PKIA: variants seen among roughly 807,000 people sequenced by gnomAD.
PKIA encodes cAMP-dependent protein kinase inhibitor alpha, also known as PKI-alpha.
In PKIA, 4 loss-of-function variants were observed where a neutral mutation model predicts 7.6. That is an observed-to-expected ratio of 0.52 (90% CI 0.26 to 1.20). The LOEUF is 1.20. PKIA is among the 50% of genes most tolerant of loss of function. The probability of loss-of-function intolerance (pLI) is 0.13; values close to 1 mark genes in which losing one functional copy is unlikely to be tolerated. For synonymous variants in PKIA, 21 were observed against 30.7 expected, an observed-to-expected ratio of 0.68 and a Z score of 1.04; for missense variants, 73 against 86.2, an observed-to-expected ratio of 0.85 and a Z score of 0.61.
chr8:78,576,383 C>A (rs974152946), intron 2 of PKIA, among the ~76,000 whole-genome samples: 39 of 151,846 alleles, frequency 2.6e-4, no homozygotes, highest in African/African-American at 9.2e-4. Flanking sequence ...GTTTTTGGAG[C>A]TTGAGCTTGT....
At chr8:78,565,424 G>A (rs1425084642) in intron 1 of PKIA, among the ~76,000 whole-genome samples, 2 of 151,888 alleles carry the variant, frequency 1.3e-5, no homozygotes, top group Non-Finnish European at 2.9e-5. Flanking sequence ...TTCAGTTATT[G>A]AATTATAATT....
At position 78,566,749 on chromosome 8, in the gene PKIA, G is replaced by A. The variant is rs1313316964; in HGVS notation, c.-156-6062G>A. 3.9e-5 allele frequency among the ~76,000 whole-genome samples: 6 copies of A among 152,098 alleles called. No individual in the cohort carries two copies. The South Asian group carries it at 8.3e-4, about 21-fold the overall frequency. On this transcript the variant is annotated intron_variant, in intron 1 of 3. Coordinates refer to ENST00000396418, the MANE Select transcript of PKIA (RefSeq NM_006823.4). ...TACAGCATCTTACATTAATATTTCAGCGTACATTAGACATTGCCTACAACC... is the reference window on the plus strand; with the variant it reads ...TACAGCATCTTACATTAATATTTCAACGTACATTAGACATTGCCTACAACC...
chr8:78,586,451 T>A (rs1168148204), intron 2 of PKIA, among the ~76,000 whole-genome samples: 1 of 152,118 alleles, frequency 6.6e-6, no homozygotes, highest in African/African-American at 2.4e-5. Flanking sequence ...CAGAGTGTGC[T>A]TTTACTATCA....
At chr8:78,581,992 G>A (rs934723306) in intron 2 of PKIA, among the ~76,000 whole-genome samples, 25 of 151,936 alleles carry the variant, frequency 1.6e-4, no homozygotes, top group Non-Finnish European at 1.8e-4. Flanking sequence ...TCATTTCAAC[G>A]TTTTTGTAAG....
intron 1 of PKIA, among the ~76,000 whole-genome samples, chr8:78,542,842 T>C (rs977352726): frequency 6.6e-6 from 1 of 152,162 alleles, no homozygotes; most frequent in Non-Finnish European, 1.5e-5. Context: ...TACAAAAGTG[T>C]CTTATCTCCT....
At chr8:78,531,635 T>TA (rs1806387473) in intron 1 of PKIA, among the ~76,000 whole-genome samples, 1 of 152,110 alleles carries the variant, frequency 6.6e-6, no homozygotes, top group Non-Finnish European at 1.5e-5. Context: ...GTACCTGTAG[T>TA]CACACAGCTA....
At chr8:78,579,082 A>G (rs1462441850) in intron 2 of PKIA, among the ~76,000 whole-genome samples, 1 of 152,008 alleles carries the variant, frequency 6.6e-6, no homozygotes, top group East Asian at 1.9e-4. Context: ...AACAATTTCT[A>G]CATGTAGTCC....
At chr8:78,562,143 A>G (rs1807300817) in intron 1 of PKIA, among the ~76,000 whole-genome samples, 1 of 152,190 alleles carries the variant, frequency 6.6e-6, no homozygotes, top group Non-Finnish European at 1.5e-5. Flanking sequence ...AAATATTAGC[A>G]ATTGTTGAAA....
rs565998250 is a variant in PKIA at position 78,565,702 on chromosome 8, T to TA, written c.-156-7108dup. Reference sequence around the variant, plus strand: ...CCCTAAAGTAATTAGGGTTTTTTTTTATGAGGATTGCCAGTATAATGTTTA... The same window carrying TA: ...CCCTAAAGTAATTAGGGTTTTTTTTTAATGAGGATTGCCAGTATAATGTTTA... On this transcript the variant is annotated intron_variant, in intron 1 of 3. Coordinates refer to ENST00000396418, the MANE Select transcript of PKIA (RefSeq NM_006823.4). 9.2e-5 allele frequency among the ~76,000 whole-genome samples: 14 copies of TA among 152,052 alleles called. No homozygotes were observed. The Middle Eastern group carries it at 0.02, about 222-fold the overall frequency.
intron 1 of PKIA, among the ~76,000 whole-genome samples, chr8:78,567,159 A>AT (rs1361561011): frequency 6.6e-6 from 1 of 152,016 alleles, no homozygotes; most frequent in Non-Finnish European, 1.5e-5. Flanking sequence ...TACTATACCC[A>AT]TTTTTCTCTA....
At chr8:78,565,055 T>C (rs928352999) in intron 1 of PKIA, among the ~76,000 whole-genome samples, 1 of 151,908 alleles carries the variant, frequency 6.6e-6, no homozygotes, top group Non-Finnish European at 1.5e-5. Flanking sequence ...TTTTAAAGAC[T>C]CTCTGATTAT....
chr8:78,555,687 A>T (rs935471840), intron 1 of PKIA, among the ~76,000 whole-genome samples: 1 of 152,044 alleles, frequency 6.6e-6, no homozygotes, highest in Non-Finnish European at 1.5e-5. Context: ...GGTGTTGGTG[A>T]ATGCAAGAAG....
chr8:78,517,035 A>C (rs1286413592), intron 1 of PKIA, among the ~76,000 whole-genome samples: 3 of 152,130 alleles, frequency 2.0e-5, no homozygotes, highest in Admixed American at 1.3e-4. Flanking sequence ...GCAGCACTTG[A>C]CATCGCTTCT....
At chr8:78,543,879 T>C (rs950958402) in intron 1 of PKIA, among the ~76,000 whole-genome samples, 9 of 152,154 alleles carry the variant, frequency 5.9e-5, no homozygotes, top group African/African-American at 2.2e-4. Flanking sequence ...CTTCAGGCAT[T>C]TCTACTGTTC....
At position 78,556,073 on chromosome 8, in the gene PKIA, A is replaced by G. The variant is rs139619152; in HGVS notation, c.-156-16738A>G. On this transcript the variant is annotated intron_variant, in intron 1 of 3. Transcript: ENST00000396418. Reference sequence around the variant, plus strand: ...TCCTTTGTCCTTTCCTTTTATGTTTAGCAGTTATGTAAATTAAAAGAAATT... The same window carrying G: ...TCCTTTGTCCTTTCCTTTTATGTTTGGCAGTTATGTAAATTAAAAGAAATT... Among the ~76,000 whole-genome samples, 13 of 152,240 alleles carry G rather than the reference A, an allele frequency of 8.5e-5. No individual in the cohort carries two copies. In the East Asian group the frequency reaches 2.5e-3, roughly 29 times the overall value.
chr8:78,545,625 T>G (rs1806801993), intron 1 of PKIA, among the ~76,000 whole-genome samples: 1 of 152,130 alleles, frequency 6.6e-6, no homozygotes, highest in Non-Finnish European at 1.5e-5. Flanking sequence ...AATACAAAAA[T>G]TACATATTTA....
At chr8:78,593,722 G>C (rs1038468730) in intron 2 of PKIA, among the ~76,000 whole-genome samples, 1 of 150,692 alleles carries the variant, frequency 6.6e-6, no homozygotes, top group Admixed American at 6.6e-5. Context: ...AAAGTAAAAA[G>C]CATGGGCAGG....
intron 2 of PKIA, among the ~76,000 whole-genome samples, chr8:78,578,658 T>G (rs1250907948): frequency 6.6e-6 from 1 of 152,032 alleles, no homozygotes; most frequent in Non-Finnish European, 1.5e-5. Flanking sequence ...TTTGACTGGC[T>G]TTTAGAACAC....
chr8:78,568,231 C>T (rs118138733), intron 1 of PKIA, among the ~76,000 whole-genome samples: 2,575 of 152,220 alleles, frequency 0.017, 41 homozygotes, highest in Middle Eastern at 0.044. Context: ...ATATTAATGT[C>T]TCCAACCCTA....
Sources: allele counts gnomAD v4.1 joint callset (sites outside exome capture counted in the v4.1 genomes callset), GRCh38; gene constraint gnomAD v4.1.1; transcripts MANE v1.5; gene names NCBI Gene and HGNC (gene_info 2026-07-23, HGNC 2026-07-21).